PHF5A: variants seen among roughly 807,000 people sequenced by gnomAD.
PHF5A encodes PHD finger protein 5A.
For synonymous variants in PHF5A, 52 were observed against 46.0 expected (o/e 1.13, Z -0.52); for missense variants, 24 against 140.6 (o/e 0.17, Z 4.19).
chr22:41,461,154 C>T (rs1027384218), intron 3 of PHF5A, among the ~76,000 whole-genome samples: 1 of 152,098 alleles, frequency 6.6e-6, no homozygotes, highest in African/African-American at 2.4e-5. Context: ...GCCTGGGTAA[C>T]AAGAGAGAAA....
chr22:41,466,293 T>G (rs1480274667), intron 3 of PHF5A, among the ~76,000 whole-genome samples: 1 of 152,082 alleles, frequency 6.6e-6, no homozygotes, highest in African/African-American at 2.4e-5. Flanking sequence ...ATAAGCTCTC[T>G]CTCCTGGCAT....
rs559957946 is a variant in PHF5A at position 41,467,349 on chromosome 22, T to A, written c.243+99A>T. ...AGAAATTATAACCTAGATGACTAGA[T>A]GAACACAGTAATCTCCATAGACCAT... On this transcript the variant is annotated intron_variant, in intron 3 of 3. Coordinates refer to ENST00000216252, the MANE Select transcript of PHF5A (RefSeq NM_032758.4). 9.3e-6 allele frequency: 11 copies of A among 1,182,736 alleles called. No homozygotes were observed. The East Asian group carries it at 1.8e-4, about 19-fold the overall frequency. The allele number at this position is 1,182,736 out of a possible 1,614,324, so 73.3% of individuals were successfully genotyped here.
Position 41,459,915 on chromosome 22 carries a change from C to CA in PHF5A, c.*482_*483insT, listed in dbSNP as rs1199909329. The CA allele has an allele frequency of 4.5e-5, 5 of 111,074 alleles. 1 individual carries two copies. The East Asian group carries it at 1.1e-3, about 23-fold the overall frequency. The allele number at this position is 111,074 out of a possible 1,614,324, so 6.9% of individuals were successfully genotyped here. ...GCAGAGCCCTGCCCCCCCACCCCCC[C>CA]CCCAAAAAAAACGGGAAATGCCTAC... On this transcript the variant is annotated 3_prime_UTR_variant, in exon 4 of 4. Transcript: ENST00000216252.
intron 3 of PHF5A, 140 bp from the exon 4 acceptor site, chr22:41,460,627 A>C (rs1601863886): frequency 1.9e-6 from 1 of 529,174 alleles, no homozygotes; most frequent in East Asian, 3.1e-5. Context: ...AGGATTGCTG[A>C]AGCCCAGGAG....
At chr22:41,460,767 TA>T (rs1233595008) in intron 3 of PHF5A, among the ~76,000 whole-genome samples, 1 of 151,882 alleles carries the variant, frequency 6.6e-6, no homozygotes, top group Non-Finnish European at 1.5e-5. Context: ...CTCATCTTAG[TA>T]TTTGAAGAAC....
intron 3 of PHF5A, among the ~76,000 whole-genome samples, chr22:41,461,130 G>A (rs777254960): frequency 7.9e-5 from 12 of 151,932 alleles, no homozygotes; most frequent in Non-Finnish European, 1.2e-4. Context: ...CTGAGATCAC[G>A]CCACAGCACT....
intron 3 of PHF5A, among the ~76,000 whole-genome samples, chr22:41,465,936 C>G (rs2037863155): frequency 6.6e-6 from 1 of 152,020 alleles, no homozygotes; most frequent in Non-Finnish European, 1.5e-5. Context: ...AATAAGGACA[C>G]TACAAGGTTT....
chr22:41,465,178 C>CT lies in PHF5A; in HGVS notation c.243+2269dup, dbSNP rs879758586. Among the ~76,000 whole-genome samples, 569 of 147,824 alleles carry CT rather than the reference C, an allele frequency of 3.8e-3. 3 individuals are homozygous for CT. Among genetic ancestry groups the CT allele is most frequent in the African/African-American group, 0.012 (480 of 40,650 alleles). On this transcript the variant is annotated intron_variant, in intron 3 of 3. Coordinates refer to ENST00000216252, the MANE Select transcript of PHF5A (RefSeq NM_032758.4). Reference sequence around the variant, plus strand: ...AACAGAAGATTCAATGGTGTACTCACTTTTTTTTTTTGAGAAGGAATTTCG... The same window carrying CT: ...AACAGAAGATTCAATGGTGTACTCACTTTTTTTTTTTTGAGAAGGAATTTCG...
At chr22:41,461,261 A>G (rs561692852) in intron 3 of PHF5A, among the ~76,000 whole-genome samples, 5 of 152,328 alleles carry the variant, frequency 3.3e-5, no homozygotes, top group Admixed American at 1.3e-4. Flanking sequence ...TCTATCATCA[A>G]TAATTTACTA....
chr22:41,465,183 T>C (rs1290805775), intron 3 of PHF5A, among the ~76,000 whole-genome samples: 1 of 152,160 alleles, frequency 6.6e-6, no homozygotes, highest in Non-Finnish European at 1.5e-5. Flanking sequence ...ACTCACTTTT[T>C]TTTTTTGAGA....
At chr22:41,466,414 C>A (rs1290178972) in intron 3 of PHF5A, among the ~76,000 whole-genome samples, 2 of 152,204 alleles carry the variant, frequency 1.3e-5, no homozygotes, top group Admixed American at 1.3e-4. Flanking sequence ...CCAAAGGCAT[C>A]TGTTACCTGC....
chr22:41,467,418 G>A (rs1284997286), intron 3 of PHF5A, 30 bp downstream of exon 3: 13 of 1,608,434 alleles, frequency 8.1e-6, no homozygotes, highest in Non-Finnish European at 6.8e-6. Flanking sequence ...ACAAAAGGAG[G>A]AAAGGTCAGA....
At chr22:41,467,677 GGGGAAATATACTAGTCTCCT>G (rs150112406) in intron 2 of PHF5A, 63 bp from the exon 3 acceptor site, 408,843 of 1,550,688 alleles carry the variant, frequency 0.26, 56,374 homozygotes, top group Middle Eastern at 0.29. Context: ...CTCCTGCCAT[GGGGAAATATACTAGTCTCCT>G]GGGAAATACA....
chr22:41,468,061 GC>G, intron 2 of PHF5A, 62 bp downstream of exon 2: 1 of 1,573,836 alleles, frequency 6.4e-7, no homozygotes, highest in South Asian at 1.1e-5. Context: ...TGGCACTTTT[GC>G]TGGTTCCACA....
chr22:41,460,628 A>G, intron 3 of PHF5A, 141 bp from the exon 4 acceptor site: 1 of 524,696 alleles, frequency 1.9e-6, no homozygotes, highest in South Asian at 3.5e-5. Context: ...GGATTGCTGA[A>G]GCCCAGGAGT....
At chr22:41,466,948 T>C (rs2037870569) in intron 3 of PHF5A, among the ~76,000 whole-genome samples, 1 of 151,460 alleles carries the variant, frequency 6.6e-6, no homozygotes, top group South Asian at 2.1e-4. Context: ...CACATGATCA[T>C]GCCACTGCAC....
At chr22:41,467,671 T>G in intron 2 of PHF5A, 57 bp from the exon 3 acceptor site, 4 of 1,573,296 alleles carry the variant, frequency 2.5e-6, no homozygotes, top group Non-Finnish European at 3.5e-6. Flanking sequence ...TGCTATCTCC[T>G]GCCATGGGGA....
chr22:41,462,238 A>G (rs2037832737), intron 3 of PHF5A, among the ~76,000 whole-genome samples: 1 of 152,154 alleles, frequency 6.6e-6, no homozygotes, highest in Admixed American at 6.6e-5. Flanking sequence ...GTAACTGGAA[A>G]ACCCTTACAG....
intron 1 of PHF5A, 111 bp downstream of exon 1, chr22:41,468,491 G>A (rs2037893942): frequency 7.9e-7 from 1 of 1,259,714 alleles, no homozygotes; most frequent in Non-Finnish European, 1.1e-6. Flanking sequence ...CTGAGAGGCG[G>A]GAAACGTGGC....
Sources: gnomAD v4.1 joint callset for allele counts (sites outside exome capture counted in the v4.1 genomes callset) on GRCh38, gnomAD v4.1.1 for gene constraint, MANE v1.5 for transcripts, NCBI Gene and HGNC (gene_info 2026-07-23, HGNC 2026-07-21) for gene names.